Variants in RIMS2 observed in about 807,000 individuals in gnomAD.
RIMS2 encodes regulating synaptic membrane exocytosis protein 2.
A neutral mutation model predicts 174.4 loss-of-function variants in RIMS2; 59 were observed. The observed-to-expected ratio is 0.34, with a 90% CI of 0.27 to 0.42. The LOEUF (loss-of-function observed/expected upper bound fraction) is 0.42, where lower values mean the gene tolerates loss of function less well. Ranked by LOEUF, RIMS2 falls within the 10% of genes least tolerant of loss-of-function variation. The probability of loss-of-function intolerance (pLI) is 1.00; values close to 1 mark genes in which losing one functional copy is unlikely to be tolerated. For missense variants in RIMS2, 1,620 were observed against 1,666.3 expected, an observed-to-expected ratio of 0.97 and a Z score of 0.48; for synonymous variants, 606 against 572.5, an observed-to-expected ratio of 1.06 and a Z score of -0.84.
chr8:103,686,946 A>T (rs7003727), intron 1 of RIMS2, among the ~76,000 whole-genome samples: 57,203 of 151,734 alleles, frequency 0.38, 11,112 homozygotes, highest in African/African-American at 0.4. Flanking sequence ...GGTTTTAGTG[A>T]CAGAGTAATA....
intron 1 of RIMS2, among the ~76,000 whole-genome samples, chr8:103,587,522 T>C: frequency 6.6e-6 from 1 of 151,844 alleles, no homozygotes; most frequent in Non-Finnish European, 1.5e-5. Context: ...CTCAACAAAA[T>C]TCTAGCAAAC....
At chr8:104,112,239 T>TC in intron 19 of RIMS2, among the ~76,000 whole-genome samples, 1 of 152,156 alleles carries the variant, frequency 6.6e-6, no homozygotes, top group African/African-American at 2.4e-5. Flanking sequence ...TAAGATAAAA[T>TC]ATTGCTACCT....
intron 2 of RIMS2, among the ~76,000 whole-genome samples, chr8:103,738,938 A>G (rs1347728556): frequency 6.6e-6 from 1 of 152,186 alleles, no homozygotes; most frequent in Non-Finnish European, 1.5e-5. Context: ...GTGGGACTGT[A>G]AACTAGTTCA....
At chr8:103,730,905 A>G (rs146680494) in intron 2 of RIMS2, among the ~76,000 whole-genome samples, 1 of 152,316 alleles carries the variant, frequency 6.6e-6, no homozygotes, top group African/African-American at 2.4e-5. Context: ...GATAACTTAT[A>G]AAGGAAAGAG....
At chr8:104,251,772 C>A in exon 24 of RIMS2, 1 of 1,612,226 alleles carries the variant, frequency 6.2e-7, no homozygotes, top group Admixed American at 1.7e-5. Context: ...GAAGAGCTTC[C>A]CAATCATCTC....
chr8:103,724,543 G>T (rs1222961534), intron 2 of RIMS2, among the ~76,000 whole-genome samples: 1 of 151,942 alleles, frequency 6.6e-6, no homozygotes, highest in African/African-American at 2.4e-5. Context: ...TATAGTAAAA[G>T]TTTCTTTATT....
At chr8:104,187,995 C>A (rs541937986) in intron 19 of RIMS2, among the ~76,000 whole-genome samples, 143 of 151,804 alleles carry the variant, frequency 9.4e-4, no homozygotes, top group African/African-American at 3.3e-3. Flanking sequence ...GAACCCTTCA[C>A]CTAGCTTCCC....
intron 19 of RIMS2, among the ~76,000 whole-genome samples, chr8:104,102,478 C>G (rs1355813559): frequency 6.6e-6 from 1 of 152,146 alleles, no homozygotes; most frequent in Non-Finnish European, 1.5e-5. Context: ...GATATTATCT[C>G]TCATGGAGAT....
chr8:103,939,435 T>A (rs148452323), intron 13 of RIMS2, among the ~76,000 whole-genome samples: 1 of 152,036 alleles, frequency 6.6e-6, no homozygotes, highest in African/African-American at 2.4e-5. Context: ...GTCCCTATAC[T>A]TGGTGTCACA....
At chr8:104,246,485 C>T (rs370404379) in intron 20 of RIMS2, among the ~76,000 whole-genome samples, 2 of 152,208 alleles carry the variant, frequency 1.3e-5, no homozygotes, top group South Asian at 4.2e-4. Flanking sequence ...ATAAAATACT[C>T]TCATCACATT....
intron 2 of RIMS2, among the ~76,000 whole-genome samples, chr8:103,729,721 T>G (rs1028541605): frequency 6.6e-6 from 1 of 152,120 alleles, no homozygotes; most frequent in Non-Finnish European, 1.5e-5. Context: ...TTGCTCTATC[T>G]CATAGGTTTT....
intron 19 of RIMS2, among the ~76,000 whole-genome samples, chr8:104,170,688 C>G (rs1391542717): frequency 6.6e-6 from 1 of 151,862 alleles, no homozygotes; most frequent in Non-Finnish European, 1.5e-5. Flanking sequence ...ATGTACTATT[C>G]TATTCATCAT....
At chr8:103,866,007 TAAC>T in intron 3 of RIMS2, among the ~76,000 whole-genome samples, 1 of 152,288 alleles carries the variant, frequency 6.6e-6, no homozygotes, top group African/African-American at 2.4e-5. Flanking sequence ...AGGACTCAAA[TAAC>T]AAATTTCATA....
intron 10 of RIMS2, chr8:103,922,718 G>C: frequency 3.0e-6 from 1 of 335,238 alleles, no homozygotes; most frequent in Non-Finnish European, 6.3e-6. Context: ...AATTAGCTAT[G>C]AAATTTCTCC....
At chr8:103,527,719 C>T (rs1400630813) in intron 1 of RIMS2, among the ~76,000 whole-genome samples, 2 of 152,198 alleles carry the variant, frequency 1.3e-5, no homozygotes, top group African/African-American at 4.8e-5. Flanking sequence ...AGGACATGAA[C>T]TCATCCTTTT....
intron 3 of RIMS2, among the ~76,000 whole-genome samples, chr8:103,879,918 G>A (rs773874907): frequency 2.6e-5 from 4 of 151,462 alleles, no homozygotes; most frequent in Non-Finnish European, 4.4e-5. Flanking sequence ...TTAAATCACT[G>A]AATGAGCATT....
chr8:103,579,274 G>C (rs56370216), intron 1 of RIMS2, among the ~76,000 whole-genome samples: 1 of 149,024 alleles, frequency 6.7e-6, no homozygotes, highest in Non-Finnish European at 1.5e-5. Context: ...CACACACACA[G>C]ACACACACAC....
intron 4 of RIMS2, among the ~76,000 whole-genome samples, chr8:103,889,869 C>A (rs2099232281): frequency 6.6e-6 from 1 of 151,754 alleles, no homozygotes; most frequent in South Asian, 2.1e-4. Context: ...GTTTGTGTAA[C>A]AAAAACAGAG....
intron 14 of RIMS2, among the ~76,000 whole-genome samples, chr8:103,947,331 A>C (rs1435062326): frequency 6.6e-6 from 1 of 152,210 alleles, no homozygotes; most frequent in East Asian, 1.9e-4. Context: ...GAGAAAATAC[A>C]GTCATGTGGC....
Sources: gnomAD v4.1 joint callset for allele counts (sites outside exome capture counted in the v4.1 genomes callset) on GRCh38, gnomAD v4.1.1 for gene constraint, MANE v1.5 for transcripts, NCBI Gene and HGNC (gene_info 2026-07-23, HGNC 2026-07-21) for gene names.